The following NADSYN1 variants were observed in gnomAD, a reference collection of about 807,000 sequenced individuals.
NADSYN1 encodes the protein NAD synthetase 1, also known as glutamine-dependent NAD(+) synthetase.
In NADSYN1, 80 loss-of-function variants were observed where a neutral mutation model predicts 99.3. That is an observed-to-expected ratio of 0.81 (90% CI 0.67 to 0.97). The LOEUF is 0.97. Among genes scored for constraint, NADSYN1 ranks in the 50% least tolerant of loss-of-function variants. The probability of loss-of-function intolerance (pLI) is 0.00; values close to 1 mark genes in which losing one functional copy is unlikely to be tolerated. For missense variants in NADSYN1, 859 were observed against 948.5 expected, an observed-to-expected ratio of 0.91 and a Z score of 1.24; for synonymous variants, 385 against 372.1, an observed-to-expected ratio of 1.03 and a Z score of -0.40.
chr11:71,477,673 G>C lies in NADSYN1; in HGVS notation c.799-722G>C, dbSNP rs116183134. On this transcript the variant is annotated intron_variant, in intron 9 of 20. Transcript: ENST00000319023. ...TTGGCAGAACCCCTACCATAGCCGG[G>C]TTCAAAGGCAGGGCAGTGTCACCTC... Among the ~76,000 whole-genome samples the C allele has an allele frequency of 1.7e-3, 257 of 152,352 alleles. 2 individuals carry two copies. Among genetic ancestry groups the C allele is most frequent in the African/African-American group, 6.0e-3 (249 of 41,576 alleles).
Position 71,464,097 on chromosome 11 carries a change from G to A in NADSYN1, c.362G>A (p.Gly121Asp). ...CCCAAGATGGCCTTGGCCAATGAAGGCAACTACCGCGAGCTGCGCTGGTTC... is the reference window on the plus strand; with the variant it reads ...CCCAAGATGGCCTTGGCCAATGAAGACAACTACCGCGAGCTGCGCTGGTTC... ...IRPKMALANE[G>D]NYRELRWFTP... Residue 121 changes from glycine (G) to aspartate (D), a missense_variant, in exon 5 of 21, where the codon GGC becomes GAC. Transcript: ENST00000319023. The A allele has an allele frequency of 6.2e-7, 1 of 1,612,600 alleles. No individual in the cohort carries two copies. Among genetic ancestry groups the A allele is most frequent in the Non-Finnish European group, 8.5e-7 (1 of 1,179,504 alleles).
chr11:71,478,266 G>A, intron 9 of NADSYN1, 129 bp from the exon 10 acceptor site: 1 of 741,118 alleles, frequency 1.3e-6, no homozygotes, highest in East Asian at 2.8e-5. Flanking sequence ...CCATCCCTGG[G>A]CCTCCAGGAA....
intron 16 of NADSYN1, among the ~76,000 whole-genome samples, chr11:71,486,972 AT>A (rs998822519): frequency 1.3e-5 from 2 of 151,196 alleles, no homozygotes; most frequent in Non-Finnish European, 3.0e-5. Flanking sequence ...CGCCTGGCTA[AT>A]TTTTTTGTAT....
intron 3 of NADSYN1, among the ~76,000 whole-genome samples, chr11:71,459,444 C>G (rs1276345247): frequency 6.6e-6 from 1 of 152,090 alleles, no homozygotes; most frequent in Non-Finnish European, 1.5e-5. Flanking sequence ...CTGTGCTGTC[C>G]CTGCATAGCC....
Position 71,483,017 on chromosome 11 carries a change from G to A in NADSYN1, c.1319G>A (p.Ser440Asn). ...AGAGAGTTGGCCCAGCAGATTGGAA[G>A]GTAGAGTTGGTCCCTGGTATTGGGC... is the stretch of plus-strand genomic sequence containing the variant. ...RARELAQQIG[S>N]HHISLNIDPA... The change falls in exon 14 of 21, where the codon AGC becomes AAC. Residue 440 changes from serine to asparagine, a missense_variant and splice_region_variant. Transcript: ENST00000319023. 1.2e-6 allele frequency: 2 copies of A among 1,611,806 alleles called. No homozygotes were observed. The highest frequency in any genetic ancestry group is 1.7e-6 in the Non-Finnish European group (2 of 1,179,546).
At chr11:71,497,409 C>G in intron 18 of NADSYN1, 74 bp from the exon 19 acceptor site, 1 of 1,597,764 alleles carries the variant, frequency 6.3e-7, no homozygotes, top group Non-Finnish European at 8.6e-7. Flanking sequence ...TGGTTCCCAT[C>G]TCCAAAAGAA....
Position 71,490,522 on chromosome 11 carries a change from C to T in NADSYN1, c.1563-323C>T, listed in dbSNP as rs566068623. On this transcript the variant is annotated intron_variant, in intron 16 of 20. Coordinates refer to ENST00000319023, the MANE Select transcript of NADSYN1 (RefSeq NM_018161.5). ...GGCCGCCCGGGCAGCAGAGTGTCCA[C>T]GTGTGTCCAGTCCCTGCTCACTCCC... Among the ~76,000 whole-genome samples the T allele has an allele frequency of 1.5e-4, 23 of 152,168 alleles. 1 individual carries two copies. The highest frequency in any genetic ancestry group is 4.8e-5 in the African/African-American group (2 of 41,446).
intron 8 of NADSYN1, 68 bp downstream of exon 8, chr11:71,473,754 A>G: frequency 2.6e-6 from 3 of 1,133,578 alleles, no homozygotes; most frequent in Non-Finnish European, 4.0e-6. Flanking sequence ...CTGCATCCTC[A>G]GTGCCCATCG....
At chr11:71,478,701 C>CAGGCAGGCAGAGAGGCTGACG in intron 10 of NADSYN1, 1 of 506,970 alleles carries the variant, frequency 2.0e-6, no homozygotes, top group Non-Finnish European at 3.6e-6. Context: ...GAGCTGGGGA[C>CAGGCAGGCAGAGAGGCTGACG]AGGCAGGCAG....
chr11:71,473,372 C>G lies in NADSYN1; in HGVS notation c.548+6C>G. ...GAGCTCTGGACACCCCACAGGTCAG[C>G]CCCATGCCCCTGTGCTGTCTGATCG... On this transcript the variant is annotated splice_donor_region_variant and intron_variant, in intron 7 of 20. Coordinates refer to ENST00000319023, the MANE Select transcript of NADSYN1 (RefSeq NM_018161.5). 6.2e-7 allele frequency: 1 copy of G among 1,613,322 alleles called. No individual in the cohort carries two copies. The highest frequency in any genetic ancestry group is 8.5e-7 in the Non-Finnish European group (1 of 1,179,272).
intron 1 of NADSYN1, 44 bp from the exon 2 acceptor site, chr11:71,455,066 G>A (rs762275913): frequency 1.4e-6 from 2 of 1,446,066 alleles, no homozygotes; most frequent in Non-Finnish European, 9.7e-7. Flanking sequence ...TGAGTGTATA[G>A]GTGCTGAAAT....
rs111795858 is a variant in NADSYN1, at chr11:71,470,097, G to T, written c.408-2352G>T. 9.9e-4 allele frequency among the ~76,000 whole-genome samples: 151 copies of T among 152,266 alleles called. 1 individual carries two copies. Among genetic ancestry groups the T allele is most frequent in the Admixed American group, 4.1e-3 (62 of 15,294 alleles). On this transcript the variant is annotated intron_variant, in intron 5 of 20. Transcript: ENST00000319023. The stretch of plus-strand genomic sequence containing the variant: ...AGGCGAAAGCCATGTCTTACATAGC[G>T]GCAGACAAGAGAGAATGAGAGCCAA...
At chr11:71,462,711 T>A (rs1949558348) in intron 3 of NADSYN1, among the ~76,000 whole-genome samples, 1 of 152,146 alleles carries the variant, frequency 6.6e-6, no homozygotes, top group Non-Finnish European at 1.5e-5. Flanking sequence ...CCATCCACAT[T>A]TGGTTTTTCT....
chr11:71,500,913 C>A (rs58615796), intron 20 of NADSYN1, among the ~76,000 whole-genome samples: 12,651 of 152,194 alleles, frequency 0.083, 629 homozygotes, highest in African/African-American at 0.14. Context: ...TCTGGCCACC[C>A]AGGGCAGGAG....
intron 3 of NADSYN1, among the ~76,000 whole-genome samples, chr11:71,461,374 G>C (rs186787239): frequency 2.6e-5 from 4 of 152,234 alleles, no homozygotes; most frequent in Admixed American, 2.6e-4. Flanking sequence ...ATCTTCCATG[G>C]CAAGAACAGG....
intron 6 of NADSYN1, among the ~76,000 whole-genome samples, chr11:71,472,922 G>A (rs1352404351): frequency 1.3e-5 from 2 of 152,258 alleles, no homozygotes; most frequent in Non-Finnish European, 2.9e-5. Context: ...CTGGGAGTGG[G>A]GGCCTAGCTT....
Position 71,501,584 on chromosome 11 carries a change from C to G in NADSYN1, c.*232C>G, listed in dbSNP as rs1016370821. On this transcript the variant is annotated 3_prime_UTR_variant, in exon 21 of 21. Transcript: ENST00000319023. The stretch of plus-strand genomic sequence containing the variant: ...ATGATTTTGACCTCCCGCCAGCGTG[C>G]GCTTCCCCGCGAAGTCTGGCATTCT... 12 of 532,070 alleles carry G rather than the reference C, an allele frequency of 2.3e-5. No homozygotes were observed. The Admixed American group carries it at 2.5e-4, about 11-fold the overall frequency. The allele number at this position is 532,070 out of a possible 1,614,324, so 33.0% of individuals were successfully genotyped here.
intron 14 of NADSYN1, 104 bp from the exon 15 acceptor site, chr11:71,484,208 G>C: frequency 6.7e-7 from 1 of 1,487,292 alleles, no homozygotes; most frequent in Non-Finnish European, 9.1e-7. Flanking sequence ...GCTTTAAATG[G>C]GTTACAATGG....
rs778047029 is a variant in NADSYN1 at position 71,490,902 on chromosome 11, C to T, written c.1620C>T (p.Gly540=). ...DCSSADINPI[G]GISKTDLRAF... ...CCAGTGCGGACATCAACCCCATAGGCGGGATCAGCAAGACGGACCTCAGGG... is the reference window on the plus strand; with the variant it reads ...CCAGTGCGGACATCAACCCCATAGGTGGGATCAGCAAGACGGACCTCAGGG... Residue 540 remains glycine (G), a synonymous_variant, in exon 17 of 21, where the codon GGC becomes GGT. Transcript: ENST00000319023. 11 of 1,614,118 alleles carry T rather than the reference C, an allele frequency of 6.8e-6. No homozygotes were observed. Among genetic ancestry groups the T allele is most frequent in the Non-Finnish European group, 9.3e-6 (11 of 1,180,042 alleles).
Sources: allele counts gnomAD v4.1 joint callset (sites outside exome capture counted in the v4.1 genomes callset), GRCh38; gene constraint gnomAD v4.1.1; transcripts MANE v1.5; gene names NCBI Gene and HGNC (gene_info 2026-07-23, HGNC 2026-07-21).